ROBO2: variants seen among roughly 807,000 people sequenced by gnomAD.
ROBO2 encodes the protein roundabout guidance receptor 2.
In ROBO2, 53 loss-of-function variants were observed where a neutral mutation model predicts 160.8. The ratio of observed to expected loss-of-function variants is 0.33; its 90% CI spans 0.26 to 0.41. The LOEUF (loss-of-function observed/expected upper bound fraction) is 0.41. Among genes scored for constraint, ROBO2 ranks in the 10% least tolerant of loss-of-function variants. The pLI is 1.00. For synonymous variants in ROBO2, 664 were observed against 611.7 expected, an observed-to-expected ratio of 1.09 and a Z score of -1.26; for missense variants, 1,577 against 1,722.4, an observed-to-expected ratio of 0.92 and a Z score of 1.49.
chr3:76,931,770 T>C (rs13097196), intron 2 of ROBO2, among the ~76,000 whole-genome samples: 62,754 of 151,918 alleles, frequency 0.41, 13,109 homozygotes, highest in South Asian at 0.49. Context: ...CAGCCTTTGC[T>C]TCCCGGATTC....
At chr3:76,784,240 G>T (rs1014151864) in intron 2 of ROBO2, among the ~76,000 whole-genome samples, 5 of 151,090 alleles carry the variant, frequency 3.3e-5, no homozygotes, top group Admixed American at 6.6e-5. Context: ...TTCTCTAGTT[G>T]TTACTGACTG....
chr3:77,069,925 A>G (rs116552908), intron 1 of ROBO2, among the ~76,000 whole-genome samples: 8 of 152,290 alleles, frequency 5.3e-5, no homozygotes, highest in African/African-American at 1.9e-4. Context: ...TCAGAATGTG[A>G]TCTTATTTGG....
intron 2 of ROBO2, among the ~76,000 whole-genome samples, chr3:76,288,487 T>A (rs1376812293): frequency 6.6e-6 from 1 of 152,154 alleles, no homozygotes; most frequent in Non-Finnish European, 1.5e-5. Context: ...TAGATCTTTT[T>A]TTTTTTTCAT....
chr3:76,989,443 A>G (rs2060550745), intron 2 of ROBO2, among the ~76,000 whole-genome samples: 1 of 152,072 alleles, frequency 6.6e-6, no homozygotes, highest in Non-Finnish European at 1.5e-5. Context: ...TGTAATTTTC[A>G]TTTCCCATTA....
intron 2 of ROBO2, among the ~76,000 whole-genome samples, chr3:76,668,034 A>G (rs1560340338): frequency 1.3e-5 from 2 of 152,312 alleles, no homozygotes; most frequent in South Asian, 2.1e-4. Context: ...CAGACACTCT[A>G]CTGCTGTGGC....
chr3:77,065,151 A>G (rs777209763), intron 1 of ROBO2, among the ~76,000 whole-genome samples: 9 of 152,190 alleles, frequency 5.9e-5, no homozygotes, highest in Non-Finnish European at 7.4e-5. Context: ...GTTTAGTAAT[A>G]CTATCACAGT....
intron 2 of ROBO2, among the ~76,000 whole-genome samples, chr3:76,907,823 G>GTGTGTGTGTGTGTGTGT (rs2075705102): frequency 7.6e-5 from 11 of 145,526 alleles, no homozygotes; most frequent in African/African-American, 2.1e-4. Flanking sequence ...GTTTGTTTGG[G>GTGTGTGTGTGTGTGTGT]GTGTGTGTGT....
At chr3:75,971,045 T>G (rs2107357708) in intron 2 of ROBO2, among the ~76,000 whole-genome samples, 1 of 151,490 alleles carries the variant, frequency 6.6e-6, no homozygotes, top group African/African-American at 2.4e-5. Flanking sequence ...AAAGGTCTTC[T>G]TAAAATAAAA....
At chr3:76,273,784 T>C (rs1264154544) in intron 2 of ROBO2, among the ~76,000 whole-genome samples, 2 of 152,158 alleles carry the variant, frequency 1.3e-5, no homozygotes, top group East Asian at 3.9e-4. Flanking sequence ...TCCCATGACA[T>C]GTGGGGATTA....
chr3:76,261,289 A>T (rs1706745121), intron 2 of ROBO2, among the ~76,000 whole-genome samples: 1 of 151,408 alleles, frequency 6.6e-6, no homozygotes. Flanking sequence ...AACCTAGGGT[A>T]CCCTTCCTTC....
chr3:77,311,013 C>T (rs1265379146), intron 2 of ROBO2, among the ~76,000 whole-genome samples: 1 of 152,026 alleles, frequency 6.6e-6, no homozygotes, highest in Non-Finnish European at 1.5e-5. Flanking sequence ...ATCCACTATA[C>T]ATTTTATTAT....
intron 2 of ROBO2, among the ~76,000 whole-genome samples, chr3:76,873,032 A>G (rs1273045016): frequency 6.6e-6 from 1 of 152,172 alleles, no homozygotes; most frequent in African/African-American, 2.4e-5. Flanking sequence ...ATATTTTACA[A>G]AAATAGAAAA....
At chr3:77,368,462 A>G (rs2071259166) in intron 2 of ROBO2, among the ~76,000 whole-genome samples, 1 of 152,184 alleles carries the variant, frequency 6.6e-6, no homozygotes, top group African/African-American at 2.4e-5. Flanking sequence ...AAACTTGAGC[A>G]CCAAATTTGC....
chr3:76,089,820 G>A (rs2069156931), intron 2 of ROBO2, among the ~76,000 whole-genome samples: 1 of 152,064 alleles, frequency 6.6e-6, no homozygotes, highest in Non-Finnish European at 1.5e-5. Context: ...CGTACTGGAA[G>A]TTCGAGCTAA....
At chr3:77,403,213 A>G (rs4485699) in intron 2 of ROBO2, among the ~76,000 whole-genome samples, 32,468 of 152,150 alleles carry the variant, frequency 0.21, 4,567 homozygotes, top group African/African-American at 0.4. Context: ...CATATTTATC[A>G]TTTCTTTATG....
intron 2 of ROBO2, among the ~76,000 whole-genome samples, chr3:76,065,731 AAC>A (rs1559882521): frequency 0.012 from 612 of 50,588 alleles, 5 homozygotes; most frequent in African/African-American, 0.054. Context: ...TGCATATTTA[AAC>A]TAAATATATA....
chr3:76,314,833 A>G (rs2071873423), intron 2 of ROBO2, among the ~76,000 whole-genome samples: 1 of 152,132 alleles, frequency 6.6e-6, no homozygotes, highest in South Asian at 2.1e-4. Flanking sequence ...GTTTTGGGGA[A>G]GTCAAAAGTT....
At chr3:77,521,538 T>C (rs1457067676) in intron 5 of ROBO2, among the ~76,000 whole-genome samples, 1 of 151,264 alleles carries the variant, frequency 6.6e-6, no homozygotes, top group Non-Finnish European at 1.5e-5. Context: ...ATAAGTTTTT[T>C]CCCTAACCAC....
chr3:75,997,817 T>C (rs978780994), intron 2 of ROBO2, among the ~76,000 whole-genome samples: 2 of 152,172 alleles, frequency 1.3e-5, no homozygotes, highest in Non-Finnish European at 2.9e-5. Context: ...ACTTAGTTTA[T>C]TCAGTGACTA....
Sources: allele counts gnomAD v4.1 joint callset (sites outside exome capture counted in the v4.1 genomes callset), GRCh38; gene constraint gnomAD v4.1.1; transcripts MANE v1.5; gene names NCBI Gene and HGNC (gene_info 2026-07-23, HGNC 2026-07-21).